EBF1: variants seen among roughly 807,000 people sequenced by gnomAD.
The protein encoded by EBF1 is EBF transcription factor 1, also known as transcription factor COE1.
In EBF1, 10 loss-of-function variants were observed where a neutral mutation model predicts 68.4. The ratio of observed to expected loss-of-function variants is 0.15; its 90% confidence interval spans 0.09 to 0.25. The LOEUF is 0.25. Ranked by LOEUF, EBF1 falls within the 10% of genes least tolerant of loss-of-function variation. The pLI is 1.00. For synonymous variants in EBF1, 298 were observed against 299.8 expected, an observed-to-expected ratio of 0.99 and a Z score of 0.06; for missense variants, 509 against 794.4, an observed-to-expected ratio of 0.64 and a Z score of 4.32.
chr5:158,769,993 AAAAG>A (rs1773550742), intron 10 of EBF1, among the ~76,000 whole-genome samples: 1 of 152,158 alleles, frequency 6.6e-6, no homozygotes, highest in Non-Finnish European at 1.5e-5. Context: ...AATCTGACAA[AAAAG>A]AAAACACATT....
intron 10 of EBF1, among the ~76,000 whole-genome samples, chr5:158,765,378 G>A (rs1772429458): frequency 6.6e-6 from 1 of 151,480 alleles, no homozygotes; most frequent in Non-Finnish European, 1.5e-5. Context: ...AAACTAAAAG[G>A]AAATGATGAA....
intron 6 of EBF1, among the ~76,000 whole-genome samples, chr5:158,915,270 A>G (rs1806910084): frequency 6.6e-6 from 1 of 152,236 alleles, no homozygotes; most frequent in South Asian, 2.1e-4. Flanking sequence ...CTTTGCTGGT[A>G]CTTTTGGATT....
intron 10 of EBF1, among the ~76,000 whole-genome samples, chr5:158,737,408 C>T (rs1293892250): frequency 2.0e-5 from 3 of 150,294 alleles, no homozygotes; most frequent in Non-Finnish European, 4.4e-5. Context: ...CTCAGCCTTC[C>T]GAGTAGCTGG....
At chr5:159,024,664 A>G (rs79809810) in intron 6 of EBF1, among the ~76,000 whole-genome samples, 227 of 152,354 alleles carry the variant, frequency 1.5e-3, no homozygotes, top group African/African-American at 5.0e-3. Context: ...TAAGCCCTCA[A>G]CTTCTCAAAA....
At chr5:158,897,099 A>C (rs1802324085) in intron 6 of EBF1, among the ~76,000 whole-genome samples, 1 of 152,126 alleles carries the variant, frequency 6.6e-6, no homozygotes, top group Non-Finnish European at 1.5e-5. Context: ...TCATTCTATT[A>C]TAAAGACATA....
At chr5:159,066,877 T>C (rs573632973) in intron 6 of EBF1, among the ~76,000 whole-genome samples, 12 of 152,180 alleles carry the variant, frequency 7.9e-5, no homozygotes, top group African/African-American at 2.9e-4. Context: ...AGTATTGAGG[T>C]CACTTTTATA....
At chr5:158,880,251 T>C (rs1798637026) in intron 6 of EBF1, among the ~76,000 whole-genome samples, 1 of 152,166 alleles carries the variant, frequency 6.6e-6, no homozygotes, top group Non-Finnish European at 1.5e-5. Flanking sequence ...TCCATCATGC[T>C]TCCTCCACCA....
intron 6 of EBF1, among the ~76,000 whole-genome samples, chr5:158,890,594 T>A (rs75512885): frequency 0.054 from 8,210 of 152,256 alleles, 283 homozygotes; most frequent in Non-Finnish European, 0.071. Flanking sequence ...AGCATTAGAG[T>A]AATTTCCTCC....
intron 6 of EBF1, among the ~76,000 whole-genome samples, chr5:158,973,009 C>T (rs1415790081): frequency 1.3e-5 from 2 of 152,222 alleles, no homozygotes; most frequent in African/African-American, 2.4e-5. Context: ...AAAATGACAA[C>T]TTCAGCCCCT....
At chr5:158,899,176 A>G (rs1051433364) in intron 6 of EBF1, among the ~76,000 whole-genome samples, 2 of 152,250 alleles carry the variant, frequency 1.3e-5, no homozygotes, top group African/African-American at 4.8e-5. Flanking sequence ...TGCCTTGCAT[A>G]TGCCTAGAAA....
At chr5:158,791,722 T>C (rs987103377) in intron 9 of EBF1, among the ~76,000 whole-genome samples, 1 of 152,150 alleles carries the variant, frequency 6.6e-6, no homozygotes, top group Non-Finnish European at 1.5e-5. Context: ...AACCATCTAC[T>C]TCTGACTACA....
intron 6 of EBF1, among the ~76,000 whole-genome samples, chr5:158,952,618 A>G (rs1816245897): frequency 6.6e-6 from 1 of 152,270 alleles, no homozygotes; most frequent in Admixed American, 6.5e-5. Context: ...TTTAAACAGC[A>G]AATATAACAA....
At chr5:159,011,686 C>A (rs1343701936) in intron 6 of EBF1, among the ~76,000 whole-genome samples, 1 of 152,174 alleles carries the variant, frequency 6.6e-6, no homozygotes, top group African/African-American at 2.4e-5. Flanking sequence ...AGAACCCCCC[C>A]TTCTCTGACT....
At chr5:159,039,174 C>G (rs1467700418) in intron 6 of EBF1, among the ~76,000 whole-genome samples, 2 of 152,226 alleles carry the variant, frequency 1.3e-5, no homozygotes, top group African/African-American at 4.8e-5. Flanking sequence ...CAGCCCTCTT[C>G]CCTGAGTCAT....
At chr5:159,021,984 C>T (rs532117174) in intron 6 of EBF1, among the ~76,000 whole-genome samples, 72 of 143,570 alleles carry the variant, frequency 5.0e-4, no homozygotes, top group African/African-American at 1.7e-3. Context: ...TGGATACACT[C>T]GAGTGTTGCA....
At chr5:159,023,161 T>C (rs1282798493) in intron 6 of EBF1, among the ~76,000 whole-genome samples, 1 of 149,982 alleles carries the variant, frequency 6.7e-6, no homozygotes, top group African/African-American at 2.5e-5. Flanking sequence ...TTAATTTATT[T>C]TCTACATCAG....
intron 10 of EBF1, among the ~76,000 whole-genome samples, chr5:158,757,075 G>C (rs1770289891): frequency 6.6e-6 from 1 of 151,940 alleles, no homozygotes; most frequent in Admixed American, 6.6e-5. Context: ...TGGCTAAATT[G>C]GAACAATGCT....
intron 6 of EBF1, among the ~76,000 whole-genome samples, chr5:158,943,950 A>G (rs950390039): frequency 7.2e-5 from 11 of 152,122 alleles, no homozygotes; most frequent in Admixed American, 2.6e-4. Flanking sequence ...CATCACACTG[A>G]TTTCCACTGA....
intron 6 of EBF1, among the ~76,000 whole-genome samples, chr5:158,868,824 T>C (rs1464002446): frequency 1.3e-5 from 2 of 152,170 alleles, no homozygotes; most frequent in African/African-American, 4.8e-5. Context: ...AGGGTGGGAA[T>C]GTCATAAGCA....
Sources: gnomAD v4.1 joint callset for allele counts (sites outside exome capture counted in the v4.1 genomes callset) on GRCh38, gnomAD v4.1.1 for gene constraint, MANE v1.5 for transcripts, NCBI Gene and HGNC (gene_info 2026-07-23, HGNC 2026-07-21) for gene names.